PAK5: variants seen among roughly 807,000 people sequenced by gnomAD.
The protein encoded by PAK5 is p21 (RAC1) activated kinase 5.
Under a neutral mutation model 65.9 loss-of-function variants are expected in PAK5, and 16 were observed. The ratio of observed to expected loss-of-function variants is 0.24; its 90% CI spans 0.16 to 0.37. The LOEUF is 0.37. PAK5 is among the 10% of genes least tolerant of loss of function. The pLI is 1.00. For missense variants in PAK5, 785 were observed against 903.9 expected (o/e 0.87, Z 1.69); for synonymous variants, 371 against 354.9 (o/e 1.05, Z -0.51).
chr20:9,780,904 G>A (rs1484594898), intron 1 of PAK5, among the ~76,000 whole-genome samples: 6 of 152,022 alleles, frequency 3.9e-5, no homozygotes, highest in African/African-American at 1.4e-4. Context: ...ACTCTAATGT[G>A]CTAGTACCTT....
rs1386241284 is a variant in PAK5 at position 9,562,983 on chromosome 20, G to A, written c.1524C>T (p.Asp508=). The A allele has an allele frequency of 6.2e-7, 1 of 1,612,988 alleles. No homozygotes were observed. The highest frequency in any genetic ancestry group is 1.1e-5 in the South Asian group (1 of 91,022). The stretch of plus-strand genomic sequence containing the variant: ...CGCCGACAAGGTAGCTGCTGTACAT[G>A]TCAACCACATTGTCATGGTGGTAAT... ...MRDYHHDNVV[D]MYSSYLVGDE... The change falls in exon 6 of 10, where the codon GAC becomes GAT. Residue 508 remains aspartate, a synonymous_variant. Coordinates refer to ENST00000353224, the MANE Select transcript of PAK5 (RefSeq NM_177990.4).
At chr20:9,813,058 G>T (rs994776091) in intron 1 of PAK5, among the ~76,000 whole-genome samples, 3 of 152,036 alleles carry the variant, frequency 2.0e-5, no homozygotes, top group African/African-American at 4.8e-5. Flanking sequence ...CAAATGAAAA[G>T]AAATAAACTA....
At chr20:9,779,610 C>T (rs6039576) in intron 1 of PAK5, among the ~76,000 whole-genome samples, 54,232 of 151,426 alleles carry the variant, frequency 0.36, 10,197 homozygotes, top group Middle Eastern at 0.48. Flanking sequence ...GAACTTGGCA[C>T]TAGTTGGGGA....
intron 3 of PAK5, among the ~76,000 whole-genome samples, chr20:9,618,920 T>TG (rs2123176153): frequency 2.2e-5 from 2 of 89,600 alleles, no homozygotes; most frequent in African/African-American, 9.3e-5. Context: ...CTTTCGTTTT[T>TG]TTTTTTTTTT....
chr20:9,771,582 A>ATTTTTTTTTTTTTTTTTTTTTTTTTT lies in PAK5; in HGVS notation c.-161-60148_-161-60147insAAAAAAAAAAAAAAAAAAAAAAAAAA, dbSNP rs545140358. Among the ~76,000 whole-genome samples, 17 of 109,754 alleles carry ATTTTTTTTTTTTTTTTTTTTTTTTTT rather than the reference A, an allele frequency of 1.5e-4. 1 individual carries two copies. Among genetic ancestry groups the ATTTTTTTTTTTTTTTTTTTTTTTTTT allele is most frequent in the African/African-American group, 4.6e-4 (13 of 28,326 alleles). The allele number at this position is 109,754 out of a possible 152,430, so 72.0% of individuals were successfully genotyped here. On this transcript the variant is annotated intron_variant, in intron 1 of 9. Transcript: ENST00000353224. ...GCCACCACATTCAGTCAATTTTTTA[A>ATTTTTTTTTTTTTTTTTTTTTTTTTT]TTTTTTTTTTTTTTTTTTGTAGAAA...
intron 2 of PAK5, among the ~76,000 whole-genome samples, chr20:9,709,207 G>A (rs977154126): frequency 3.3e-5 from 5 of 152,120 alleles, no homozygotes; most frequent in Non-Finnish European, 7.3e-5. Context: ...ACAGAATGGC[G>A]TATGTCATTT....
chr20:9,551,172 G>A (rs1181217997), intron 7 of PAK5, among the ~76,000 whole-genome samples: 1 of 152,140 alleles, frequency 6.6e-6, no homozygotes, highest in Non-Finnish European at 1.5e-5. Flanking sequence ...AAATAAATCT[G>A]CAAGTAGATA....
chr20:9,764,487 A>G (rs1389992278), intron 1 of PAK5, among the ~76,000 whole-genome samples: 1 of 152,110 alleles, frequency 6.6e-6, no homozygotes, highest in Non-Finnish European at 1.5e-5. Flanking sequence ...TGGGTATATC[A>G]CTTTGAAGCC....
chr20:9,618,462 A>G (rs2046702566), intron 3 of PAK5, among the ~76,000 whole-genome samples: 1 of 143,418 alleles, frequency 7.0e-6, no homozygotes. Flanking sequence ...GCTGGAGTGT[A>G]ATGGCACAAT....
intron 1 of PAK5, among the ~76,000 whole-genome samples, chr20:9,799,879 T>C (rs574632015): frequency 7.0e-6 from 1 of 142,316 alleles, no homozygotes; most frequent in African/African-American, 2.6e-5. Flanking sequence ...AAGTGGAAGT[T>C]GTTGTGAGCC....
chr20:9,700,732 C>A (rs1254061601), intron 2 of PAK5, among the ~76,000 whole-genome samples: 1 of 152,100 alleles, frequency 6.6e-6, no homozygotes. Flanking sequence ...ACAAAATAAT[C>A]CAATTGCCAG....
At chr20:9,617,549 C>CTTTTTTTTTTTT (rs532259417) in intron 3 of PAK5, among the ~76,000 whole-genome samples, 2 of 94,580 alleles carry the variant, frequency 2.1e-5, no homozygotes, top group Non-Finnish European at 4.1e-5. Context: ...AATCCCAATC[C>CTTTTTTTTTTTT]TTTTTTTTTT....
chr20:9,641,434 G>A (rs13039340), intron 3 of PAK5, among the ~76,000 whole-genome samples: 4 of 76,300 alleles, frequency 5.2e-5, no homozygotes, highest in Admixed American at 1.5e-4. Context: ...CCTTGAGCTA[G>A]ATACAGAGTG....
In PAK5 at chr20:9,541,649, C is replaced by T. The variant is rs560047534; in HGVS notation, c.2004+937G>A. Among the ~76,000 whole-genome samples the T allele has an allele frequency of 2.6e-5, 4 of 152,192 alleles. No homozygotes were observed. In the South Asian group the frequency reaches 6.2e-4, roughly 24 times the overall value. On this transcript the variant is annotated intron_variant, in intron 9 of 9. Transcript: ENST00000353224. ...CCTTCTTCCTATTCAGGTCCCAGCTCGTTTGATCCCTCCCTAGAAAGGGCT... is the reference window on the plus strand; with the variant it reads ...CCTTCTTCCTATTCAGGTCCCAGCTTGTTTGATCCCTCCCTAGAAAGGGCT...
At chr20:9,677,044 CATGTGTGT>C (rs2047582642) in intron 2 of PAK5, among the ~76,000 whole-genome samples, 3 of 78,664 alleles carry the variant, frequency 3.8e-5, no homozygotes, top group South Asian at 5.9e-4. Context: ...AGGGTATGTG[CATGTGTGT>C]GTGTGTGTGT....
At chr20:9,679,433 T>A (rs1230304546) in intron 2 of PAK5, among the ~76,000 whole-genome samples, 2 of 152,200 alleles carry the variant, frequency 1.3e-5, no homozygotes, top group Non-Finnish European at 2.9e-5. Flanking sequence ...TCTTGGTACA[T>A]GCCTTATCTT....
chr20:9,767,169 C>A (rs1050438873), intron 1 of PAK5, among the ~76,000 whole-genome samples: 4 of 152,092 alleles, frequency 2.6e-5, no homozygotes, highest in African/African-American at 9.7e-5. Flanking sequence ...AGGCCACATG[C>A]AGTTATGTCA....
chr20:9,555,456 G>A (rs1039878940), intron 7 of PAK5, among the ~76,000 whole-genome samples: 1 of 152,286 alleles, frequency 6.6e-6, no homozygotes, highest in African/African-American at 2.4e-5. Flanking sequence ...AAGGAAGCCT[G>A]TACCATAAAT....
intron 1 of PAK5, among the ~76,000 whole-genome samples, chr20:9,831,739 C>A (rs1244198300): frequency 2.0e-5 from 3 of 152,168 alleles, no homozygotes; most frequent in Non-Finnish European, 2.9e-5. Flanking sequence ...AACTCCTGAG[C>A]TCAAGTGATC....
Sources: allele counts gnomAD v4.1 joint callset (sites outside exome capture counted in the v4.1 genomes callset), GRCh38; gene constraint gnomAD v4.1.1; transcripts MANE v1.5; gene names NCBI Gene and HGNC (gene_info 2026-07-23, HGNC 2026-07-21).